LMNB2: variants seen among roughly 807,000 people sequenced by gnomAD.
LMNB2 encodes the protein lamin-B2.
Under a neutral mutation model 69.3 loss-of-function variants are expected in LMNB2, and 17 were observed. The ratio of observed to expected loss-of-function variants is 0.25; its 90% CI spans 0.17 to 0.37. The LOEUF (loss-of-function observed/expected upper bound fraction) is 0.37, where lower values mean the gene tolerates loss of function less well. Among genes scored for constraint, LMNB2 ranks in the 10% least tolerant of loss-of-function variants. The pLI is 1.00. For missense variants in LMNB2, 789 were observed against 883.6 expected (o/e 0.89, Z 1.36); for synonymous variants, 397 against 389.3 (o/e 1.02, Z -0.23).
intron 2 of LMNB2, 51 bp downstream of exon 2, chr19:2,444,353 C>A (rs548894191): frequency 1.2e-6 from 2 of 1,610,990 alleles, no homozygotes; most frequent in African/African-American, 2.7e-5. Flanking sequence ...CCCCCGTCCA[C>A]CCCGTGGTGC....
At chr19:2,442,560 C>G (rs1420097116) in intron 2 of LMNB2, among the ~76,000 whole-genome samples, 2 of 152,038 alleles carry the variant, frequency 1.3e-5, no homozygotes, top group African/African-American at 4.8e-5. Flanking sequence ...CAGAGCAAGA[C>G]TATGTCTCAA....
intron 4 of LMNB2, 144 bp from the exon 5 acceptor site, chr19:2,435,315 G>T (rs1971809123): frequency 3.4e-6 from 4 of 1,184,106 alleles, no homozygotes; most frequent in Non-Finnish European, 4.7e-6. Context: ...ACACGTGCAG[G>T]TGAGAGGCGA....
rs768416033 is a variant in LMNB2, at chr19:2,438,493, C to T, written c.440G>A (p.Gly147Asp). ...CAGGGACTCCAGGTCCTTCACACGG[C>T]CCTGGGCCACCGTAAGCTCGCCCTC... ...KREGELTVAQ[G>D]RVKDLESLFH... Residue 147 changes from glycine (G) to aspartate (D), a missense_variant, in exon 3 of 12, where the codon GGC becomes GAC. By Grantham distance (94) the Gly-to-Asp change is moderately conservative. Coordinates refer to ENST00000325327, the MANE Select transcript of LMNB2 (RefSeq NM_032737.4). 9.3e-6 allele frequency: 15 copies of T among 1,610,732 alleles called. No individual in the cohort carries two copies. The highest frequency in any genetic ancestry group is 2.2e-5 in the East Asian group (1 of 44,870).
At position 2,443,961 on chromosome 19, in the gene LMNB2, G is replaced by A. The variant is rs1044727167; in HGVS notation, c.401+443C>T. Among the ~76,000 whole-genome samples, 10 of 152,178 alleles carry A rather than the reference G, an allele frequency of 6.6e-5. No homozygotes were observed. Among genetic ancestry groups the A allele is most frequent in the African/African-American group, 1.9e-4 (8 of 41,536 alleles). ...CTGGTCACACACCACACACCCGAGC[G>A]TCCCAACAGCTGGGACAAAACCCCG... On this transcript the variant is annotated intron_variant, in intron 2 of 11. Coordinates refer to ENST00000325327, the MANE Select transcript of LMNB2 (RefSeq NM_032737.4). This position sits in a 1 kb window ranked among gnomAD's most constrained non-coding sequence, Gnocchi z 6.2.
chr19:2,436,640 C>T (rs1186560260), intron 4 of LMNB2, among the ~76,000 whole-genome samples: 3 of 145,060 alleles, frequency 2.1e-5, no homozygotes, highest in Non-Finnish European at 4.6e-5. Context: ...CCCACAGCCG[C>T]GCACCCACCT....
rs1599345010 is a variant in LMNB2, at chr19:2,456,833, G to A, written c.101C>T (p.Thr34Met). 5 of 1,378,654 alleles carry A rather than the reference G, an allele frequency of 3.6e-6. No homozygotes were observed. The highest frequency in any genetic ancestry group is 4.7e-6 in the Non-Finnish European group (5 of 1,054,576). The allele number at this position is 1,378,654 out of a possible 1,614,324, so 85.4% of individuals were successfully genotyped here. A position where few individuals can be genotyped will look rare whatever the true frequency, so the allele number is the denominator to read the frequency against. Reference protein sequence around the residue: ...PLPGRAGGPATPLSPTRLSRL... With the variant: ...PLPGRAGGPAMPLSPTRLSRL... Reference sequence around the variant, plus strand: ...CGACAGGCGCGTGGGCGACAGCGGCGTGGCGGGCCCGCCCGCGCGGCCGGG... The same window carrying A: ...CGACAGGCGCGTGGGCGACAGCGGCATGGCGGGCCCGCCCGCGCGGCCGGG... Residue 34 changes from threonine (T) to methionine (M), a missense_variant, in exon 1 of 12, where the codon ACG (threonine) becomes ATG (methionine). Around this residue, in one of 3 missense-constraint regions of LMNB2, gnomAD observed 145 missense variants for 228.9 expected, o/e 0.63. Coordinates refer to ENST00000325327, the MANE Select transcript of LMNB2 (RefSeq NM_032737.4).
At chr19:2,455,641 TCCA>T (rs2145477889) in intron 1 of LMNB2, among the ~76,000 whole-genome samples, 1 of 151,870 alleles carries the variant, frequency 6.6e-6, no homozygotes, top group Non-Finnish European at 1.5e-5. Context: ...TGGGACCCCC[TCCA>T]TAGGTGGGGC....
chr19:2,456,176 C>T (rs976323614), intron 1 of LMNB2, among the ~76,000 whole-genome samples: 8 of 151,076 alleles, frequency 5.3e-5, no homozygotes, highest in African/African-American at 2.0e-4. Flanking sequence ...GGCGGAGATC[C>T]CCGAGGCCGG....
rs147619532 is a variant in LMNB2, at chr19:2,431,795, G to A, written c.1698C>T (p.Asn566=). The change falls in exon 10 of 12, where the codon AAC becomes AAT. Residue 566 remains asparagine (N), a synonymous_variant. Transcript: ENST00000325327. The part of the protein sequence containing the change: ...TGESFRTVLV[N]ADGEEVAMRT... ...CACACACACCCACCTCGCCATCCGCGTTAACCAGGACGGTGCGGAAGCTCT... is the reference window on the plus strand; with the variant it reads ...CACACACACCCACCTCGCCATCCGCATTAACCAGGACGGTGCGGAAGCTCT... 130 of 1,613,706 alleles carry A rather than the reference G, an allele frequency of 8.1e-5. No homozygotes were observed. The highest frequency in any genetic ancestry group is 1.0e-4 in the Non-Finnish European group (123 of 1,179,914).
intron 2 of LMNB2, among the ~76,000 whole-genome samples, chr19:2,442,602 T>C (rs934190986): frequency 6.6e-6 from 1 of 151,932 alleles, no homozygotes; most frequent in African/African-American, 2.4e-5. Context: ...AAAAAATTAG[T>C]TGGGTGTAGT....
At chr19:2,432,334 G>GC in intron 9 of LMNB2, 82 bp downstream of exon 9, 6 of 351,446 alleles carry the variant, frequency 1.7e-5, no homozygotes, top group South Asian at 3.1e-5. Context: ...ACCCACCCCC[G>GC]CCAAGTCCTG....
chr19:2,453,147 C>T lies in LMNB2; in HGVS notation c.264+3523G>A, dbSNP rs969611793. On this transcript the variant is annotated intron_variant, in intron 1 of 11. Coordinates refer to ENST00000325327, the MANE Select transcript of LMNB2 (RefSeq NM_032737.4). The surrounding 1 kb of genome is among the most constrained non-coding windows in gnomAD (Gnocchi z 4.4). ...CTCTTCTCGGGGCGCTGAGCAGTAC[C>T]CAGCCTCCACCCACGCTGTGCCGAT... 5.3e-5 allele frequency among the ~76,000 whole-genome samples: 8 copies of T among 152,066 alleles called. No homozygotes were observed. Among genetic ancestry groups the T allele is most frequent in the African/African-American group, 1.9e-4 (8 of 41,390 alleles).
intron 10 of LMNB2, 23 bp downstream of exon 10, chr19:2,431,760 C>A: frequency 6.2e-7 from 1 of 1,613,674 alleles, no homozygotes; most frequent in South Asian, 1.1e-5. Context: ...CAGCCGAGCA[C>A]CCCCCAAGCC....
chr19:2,438,709 A>G (rs887882147), intron 2 of LMNB2, among the ~76,000 whole-genome samples, 178 bp from the exon 3 acceptor site: 35 of 152,214 alleles, frequency 2.3e-4, no homozygotes, highest in Non-Finnish European at 4.4e-5. Context: ...ACGTGCCCTC[A>G]TCATCTGCCC....
At chr19:2,436,741 G>A (rs1473194492) in intron 4 of LMNB2, 3 of 145,778 alleles carry the variant, frequency 2.1e-5, no homozygotes, top group Non-Finnish European at 4.3e-5. Context: ...CCACAGCCGC[G>A]CACCCACCTC....
Position 2,453,718 on chromosome 19 carries a change from G to C in LMNB2, c.264+2952C>G, listed in dbSNP as rs912839714. ...CGGCCCCGAGAGGTGGCTGGGCCAGGCTCCCTCTAGGGCACAGGGCCGGTC... is the reference window on the plus strand; with the variant it reads ...CGGCCCCGAGAGGTGGCTGGGCCAGCCTCCCTCTAGGGCACAGGGCCGGTC... On this transcript the variant is annotated intron_variant, in intron 1 of 11. Transcript: ENST00000325327. This position sits in a 1 kb window ranked among gnomAD's most constrained non-coding sequence, Gnocchi z 4.4. Among the ~76,000 whole-genome samples the C allele has an allele frequency of 1.3e-5, 2 of 152,156 alleles. No homozygotes were observed. Among genetic ancestry groups the C allele is most frequent in the African/African-American group, 4.8e-5 (2 of 41,454 alleles).
chr19:2,434,793 T>C lies in LMNB2; in HGVS notation c.976A>G (p.Lys326Glu). The C allele has an allele frequency of 4.4e-6, 7 of 1,606,450 alleles. No homozygotes were observed. The highest frequency in any genetic ancestry group is 5.9e-6 in the Non-Finnish European group (7 of 1,177,724). The change falls in exon 6 of 12, where the codon AAG becomes GAG. Residue 326 changes from lysine (K) to glutamate (E), a missense_variant. Transcript: ENST00000325327. ...GGTGGCGCTGTGCTCATCACCTGCTTCTGGAGGCCGGAGAGCTGGTAGCTG... is the reference window on the plus strand; with the variant it reads ...GGTGGCGCTGTGCTCATCACCTGCTCCTGGAGGCCGGAGAGCTGGTAGCTG... ...SLSYQLSGLQ[K>E]QASAAEDRIR... is the part of the protein sequence containing the mutation.
Position 2,440,617 on chromosome 19 carries a change from TCATC to T in LMNB2, c.402-2090_402-2087del, listed in dbSNP as rs924906284. On this transcript the variant is annotated intron_variant, in intron 2 of 11. Transcript: ENST00000325327. ...ATCTGTCCATCTATCCATCCACCCA[TCATC>T]CATCCATCCATCTACTCATCCATCC... Among the ~76,000 whole-genome samples, 7 of 140,812 alleles carry T rather than the reference TCATC, an allele frequency of 5.0e-5. No individual in the cohort carries two copies. The East Asian group carries it at 5.9e-4, about 12-fold the overall frequency. The allele number at this position is 140,812 out of a possible 152,430, so 92.4% of individuals were successfully genotyped here.
In LMNB2 at chr19:2,430,371, C is replaced by T. The variant is rs770607526; in HGVS notation, c.*540G>A. The T allele has an allele frequency of 1.5e-4, 28 of 182,138 alleles. No homozygotes were observed. The highest frequency in any genetic ancestry group is 2.3e-4 in the Non-Finnish European group (20 of 85,338). 11.3% of individuals were successfully genotyped at this position (182,138 alleles called of 1,614,324 possible). Reference sequence around the variant, plus strand: ...TGAAAACCCGCCCTGGGGGCCACGCCATCCCCATGCTGGCCCACACCCGCT... The same window carrying T: ...TGAAAACCCGCCCTGGGGGCCACGCTATCCCCATGCTGGCCCACACCCGCT... On this transcript the variant is annotated 3_prime_UTR_variant, in exon 12 of 12. Transcript: ENST00000325327.
Sources: allele counts gnomAD v4.1 joint callset (sites outside exome capture counted in the v4.1 genomes callset), GRCh38; gene constraint gnomAD v4.1.1; regional missense constraint gnomAD v4.1.1; non-coding constraint Gnocchi (gnomAD v3.1); transcripts MANE v1.5; gene names NCBI Gene and HGNC (gene_info 2026-07-23, HGNC 2026-07-21).